The following IGSF11 variants were observed in gnomAD, a reference collection of about 807,000 sequenced individuals.
IGSF11 encodes the protein immunoglobulin superfamily member 11.
In IGSF11, 22 loss-of-function variants were observed where a neutral mutation model predicts 41.0. The observed-to-expected ratio is 0.54, with a 90% CI of 0.38 to 0.77. The LOEUF (loss-of-function observed/expected upper bound fraction) is 0.77, where lower values mean the gene tolerates loss of function less well. IGSF11 is among the 30% of genes least tolerant of loss of function. The pLI is 0.00. For synonymous variants in IGSF11, 219 were observed against 201.3 expected (o/e 1.09, Z -0.74); for missense variants, 444 against 530.8 (o/e 0.84, Z 1.61).
intron 1 of IGSF11, among the ~76,000 whole-genome samples, chr3:119,069,266 G>C (rs1376607091): frequency 1.3e-5 from 2 of 152,122 alleles, no homozygotes; most frequent in African/African-American, 4.8e-5. Flanking sequence ...AGAGAGGAGA[G>C]ACAACATGCT....
At chr3:119,008,226 A>C (rs1687958466) in intron 1 of IGSF11, among the ~76,000 whole-genome samples, 2 of 121,604 alleles carry the variant, frequency 1.6e-5, no homozygotes, top group South Asian at 5.2e-4. Flanking sequence ...TCTCCACAAA[A>C]GAAAAAGCCA....
intron 1 of IGSF11, among the ~76,000 whole-genome samples, chr3:119,026,098 G>A (rs180892895): frequency 3.3e-4 from 50 of 152,118 alleles, no homozygotes; most frequent in African/African-American, 1.1e-3. Context: ...GTGAAACCCC[G>A]TCTCTACTAA....
At chr3:119,135,322 G>A (rs1219503782) in intron 1 of IGSF11, among the ~76,000 whole-genome samples, 1 of 152,110 alleles carries the variant, frequency 6.6e-6, no homozygotes, top group African/African-American at 2.4e-5. Flanking sequence ...ATCTGACAAA[G>A]GGCTAATATC....
intron 1 of IGSF11, among the ~76,000 whole-genome samples, chr3:119,139,404 C>T (rs1576843196): frequency 1.3e-5 from 2 of 152,170 alleles, no homozygotes; most frequent in African/African-American, 4.8e-5. Context: ...TTGTAGCTCC[C>T]ATAATTCCCA....
chr3:118,942,865 G>T (rs1020389502), intron 1 of IGSF11, among the ~76,000 whole-genome samples: 3 of 152,150 alleles, frequency 2.0e-5, no homozygotes, highest in Non-Finnish European at 2.9e-5. Flanking sequence ...GCTACAGTGG[G>T]GCAGAGGAGG....
At chr3:118,961,244 G>T (rs1323959485) in intron 1 of IGSF11, among the ~76,000 whole-genome samples, 1 of 152,216 alleles carries the variant, frequency 6.6e-6, no homozygotes, top group Admixed American at 6.5e-5. Context: ...CTTCTTTGAA[G>T]AAACTTGCGG....
intron 1 of IGSF11, among the ~76,000 whole-genome samples, chr3:118,943,369 C>T (rs1943853662): frequency 1.3e-5 from 2 of 151,980 alleles, no homozygotes; most frequent in Admixed American, 6.6e-5. Context: ...ATCTTAATGC[C>T]CTAAGCATTA....
intron 1 of IGSF11, among the ~76,000 whole-genome samples, chr3:119,135,238 T>C (rs1334340310): frequency 2.6e-5 from 4 of 152,178 alleles, no homozygotes; most frequent in Non-Finnish European, 5.9e-5. Context: ...AAAGAGCTTC[T>C]GCACAGCAAA....
chr3:118,956,804 C>G (rs1944992227), intron 1 of IGSF11, among the ~76,000 whole-genome samples: 1 of 152,096 alleles, frequency 6.6e-6, no homozygotes, highest in Non-Finnish European at 1.5e-5. Context: ...GACAAAGAAA[C>G]ACAAAGTGAG....
At chr3:118,920,626 AAC>A (rs2107514057) in intron 4 of IGSF11, among the ~76,000 whole-genome samples, 1 of 129,452 alleles carries the variant, frequency 7.7e-6, no homozygotes, top group East Asian at 2.0e-4. Context: ...AAGCTTATTA[AAC>A]ACAGAGAAAA....
At chr3:119,044,007 T>C (rs1374601880) in intron 1 of IGSF11, among the ~76,000 whole-genome samples, 1 of 152,118 alleles carries the variant, frequency 6.6e-6, no homozygotes, top group Non-Finnish European at 1.5e-5. Context: ...CAAGGTTCTA[T>C]TAACACCCCC....
At chr3:119,084,104 A>C (rs752726601) in intron 1 of IGSF11, among the ~76,000 whole-genome samples, 1 of 152,134 alleles carries the variant, frequency 6.6e-6, no homozygotes, top group Non-Finnish European at 1.5e-5. Context: ...AAAGTATAAA[A>C]ATAGAGGAGG....
chr3:119,042,134 G>A (rs1356342278), intron 1 of IGSF11, among the ~76,000 whole-genome samples: 1 of 152,186 alleles, frequency 6.6e-6, no homozygotes, highest in African/African-American at 2.4e-5. Context: ...GCACCACACT[G>A]AGGTTAAAGG....
chr3:119,000,845 G>T (rs199923025), intron 1 of IGSF11, among the ~76,000 whole-genome samples: 1,607 of 152,200 alleles, frequency 0.011, 29 homozygotes, highest in East Asian at 0.06. Context: ...GAGTGCCTCT[G>T]TTCAAATCTA....
chr3:119,137,141 A>T (rs2077573982), intron 1 of IGSF11, among the ~76,000 whole-genome samples: 1 of 152,168 alleles, frequency 6.6e-6, no homozygotes, highest in African/African-American at 2.4e-5. Context: ...TTAAATGTCC[A>T]TACTACCCAA....
intron 1 of IGSF11, among the ~76,000 whole-genome samples, chr3:119,068,927 C>CTTTTTTTTTTTTTTTTTTTTTTTTTTT (rs574659492): frequency 1.2e-5 from 1 of 81,018 alleles, no homozygotes; most frequent in African/African-American, 5.4e-5. Flanking sequence ...TTTTTTTTTT[C>CTTTTTTTTTTTTTTTTTTTTTTTTTTT]TTTTTTTTTT....
intron 1 of IGSF11, among the ~76,000 whole-genome samples, chr3:119,131,886 G>A (rs1456259991): frequency 6.6e-6 from 1 of 152,174 alleles, no homozygotes; most frequent in African/African-American, 2.4e-5. Context: ...AAGAGAGTGA[G>A]GGCCAATATT....
rs183707384 is a variant in IGSF11, at chr3:118,998,471, T to C, written c.52+36060A>G. ...AATGTCTCCAATACTTCAAAATCCA[T>C]TGGGGGGGAAAAAAAAGAAAAAATG... On this transcript the variant is annotated intron_variant, in intron 1 of 6. Coordinates refer to ENST00000393775, the MANE Select transcript of IGSF11 (RefSeq NM_001015887.3). Among the ~76,000 whole-genome samples the C allele has an allele frequency of 8.3e-3, 1,240 of 149,672 alleles. 20 individuals carry two copies. Among genetic ancestry groups the C allele is most frequent in the African/African-American group, 0.029 (1,149 of 39,468 alleles).
chr3:119,009,077 C>T (rs2107689994), intron 1 of IGSF11, among the ~76,000 whole-genome samples: 1 of 152,216 alleles, frequency 6.6e-6, no homozygotes, highest in South Asian at 2.1e-4. Context: ...CACATACACA[C>T]ACACAAATTT....
Sources: allele counts gnomAD v4.1 joint callset (sites outside exome capture counted in the v4.1 genomes callset), GRCh38; gene constraint gnomAD v4.1.1; transcripts MANE v1.5; gene names NCBI Gene and HGNC (gene_info 2026-07-23, HGNC 2026-07-21).